The following LZTR1 variants were observed in gnomAD, a reference collection of about 807,000 sequenced individuals.
LZTR1 encodes the protein leucine-zipper-like transcriptional regulator 1.
Under a neutral mutation model 105.7 loss-of-function variants are expected in LZTR1, and 260 were observed. That is an observed-to-expected ratio of 2.46 (90% CI 2.22 to 2.72). LZTR1 has a LOEUF of 2.72. Among genes scored for constraint, LZTR1 ranks in the 30% most tolerant of loss-of-function variants. LZTR1 has a pLI of 0.00. For missense variants in LZTR1, 1,214 were observed against 1,166.9 expected (o/e 1.04, Z -0.59); for synonymous variants, 490 against 476.4 (o/e 1.03, Z -0.37).
chr22:20,988,722 A>T (rs1346922906), intron 5 of LZTR1, 67 bp from the exon 6 acceptor site: 2 of 1,205,070 alleles, frequency 1.7e-6, no homozygotes, highest in Non-Finnish European at 2.5e-6. Context: ...CACTGACCAC[A>T]TGGGGCTGGG....
intron 11 of LZTR1, chr22:20,993,249 G>A (rs1054269263): frequency 4.8e-6 from 2 of 413,746 alleles, no homozygotes; most frequent in Non-Finnish European, 4.4e-6. Flanking sequence ...CCCTTCCCAG[G>A]CCTGGAGGAG....
rs184673564 is a variant in LZTR1 at position 20,997,758 on chromosome 22, G to A, written c.*410G>A. On this transcript the variant is annotated 3_prime_UTR_variant, in exon 21 of 21. Transcript: ENST00000646124. ...TGTCACCAAGGCTCCTCCAACATGC[G>A]GGAGGAGGCTTAGCAGACTTGCGCT... is the stretch of plus-strand genomic sequence containing the variant. 2.5e-3 allele frequency: 455 copies of A among 180,208 alleles called. 1 individual carries two copies. Among genetic ancestry groups the A allele is most frequent in the Non-Finnish European group, 4.3e-3 (364 of 84,140 alleles). The allele number at this position is 180,208 out of a possible 1,614,324, so 11.2% of individuals were successfully genotyped here.
At position 20,994,952 on chromosome 22, in the gene LZTR1, C is replaced by T. The variant is rs1453133601; in HGVS notation, c.1868C>T (p.Pro623Leu). 4 of 1,613,216 alleles carry T rather than the reference C, an allele frequency of 2.5e-6. No homozygotes were observed. The highest frequency in any genetic ancestry group is 3.4e-6 in the Non-Finnish European group (4 of 1,180,006). ...MMKEFERLSS[P>L]LIVEIVRRKQ... Reference sequence around the variant, plus strand: ...AAGGAGTTCGAGCGCCTCTCCTCTCCACTGATAGTGGAGATTGTGCGGCGG... The same window carrying T: ...AAGGAGTTCGAGCGCCTCTCCTCTCTACTGATAGTGGAGATTGTGCGGCGG... The change falls in exon 16 of 21, where the codon CCA (proline) becomes CTA (leucine). Residue 623 changes from proline to leucine, a missense_variant. Transcript: ENST00000646124.
rs773793756 is a variant in LZTR1, at chr22:20,994,727, G to A, written c.1785G>A (p.Lys595=). 3.1e-6 allele frequency: 5 copies of A among 1,611,010 alleles called. No individual in the cohort carries two copies. The highest frequency in any genetic ancestry group is 2.2e-5 in the South Asian group (2 of 90,892). ...SAARLQLSQL[K]EHCLNFVVKE... ...CCCGGCTGCAGCTGAGCCAACTCAAGGTGTGGGGTGGGGTCAGCGCAATCA... is the reference window on the plus strand; with the variant it reads ...CCCGGCTGCAGCTGAGCCAACTCAAAGTGTGGGGTGGGGTCAGCGCAATCA... The change falls in exon 15 of 21, where the codon AAG becomes AAA. Residue 595 remains lysine, a splice_region_variant and synonymous_variant. Coordinates refer to ENST00000646124, the MANE Select transcript of LZTR1 (RefSeq NM_006767.4).
At chr22:20,991,397 G>A in intron 8 of LZTR1, 1 of 559,296 alleles carries the variant, frequency 1.8e-6, no homozygotes, top group South Asian at 2.3e-5. Flanking sequence ...GGGAGAGGGG[G>A]GAGCTCTGGC....
rs1462438936 is a variant in LZTR1 at position 20,985,856 on chromosome 22, T to C, written c.279T>C (p.Asn93=). The C allele has an allele frequency of 6.2e-7, 1 of 1,614,194 alleles. No individual in the cohort carries two copies. Among genetic ancestry groups the C allele is most frequent in the Middle Eastern group, 1.6e-4 (1 of 6,062 alleles). The stretch of plus-strand genomic sequence containing the variant: ...TGCCTTTCAGGAAGACCATGCTCAA[T>C]GACCTCCTGCGGTTCGATGTGAAAG... ...FGGDNGKTML[N]DLLRFDVKDC... Residue 93 remains asparagine, a synonymous_variant, in exon 3 of 21, where the codon AAT becomes AAC. Coordinates refer to ENST00000646124, the MANE Select transcript of LZTR1 (RefSeq NM_006767.4).
intron 14 of LZTR1, 113 bp downstream of exon 14, chr22:20,994,382 G>A (rs1924735098): frequency 7.5e-7 from 1 of 1,337,952 alleles, no homozygotes. Context: ...GAGGCTCAGA[G>A]GCTGCAGGTC....
chr22:20,987,350 C>T (rs1249187347), intron 3 of LZTR1, among the ~76,000 whole-genome samples, 154 bp from the exon 4 acceptor site: 8 of 149,600 alleles, frequency 5.3e-5, no homozygotes, highest in African/African-American at 4.9e-5. Flanking sequence ...GATCGTGCCA[C>T]TGCACTCCAG....
At chr22:20,993,822 A>G in intron 12 of LZTR1, 68 bp downstream of exon 12, 2 of 1,573,722 alleles carry the variant, frequency 1.3e-6, no homozygotes, top group South Asian at 1.1e-5. Flanking sequence ...GCCCCTCAGA[A>G]AAACAGCTGC....
At chr22:20,985,723 T>A in intron 2 of LZTR1, 118 bp from the exon 3 acceptor site, 1 of 875,620 alleles carries the variant, frequency 1.1e-6, no homozygotes, top group Admixed American at 2.0e-5. Flanking sequence ...CCTGGCTGTG[T>A]TAGTGACCCA....
rs1413588941 is a variant in LZTR1, at chr22:20,990,438, T to C, written c.704T>C (p.Val235Ala). 2.5e-6 allele frequency: 4 copies of C among 1,613,982 alleles called. No individual in the cohort carries two copies. In the African/African-American group the frequency reaches 4.0e-5, roughly 16 times the overall value. ...TCTTGCTGCAACTTCCCCGTGGCTGTGTGCCGGGACAAGATGTTTGTATTC... is the reference window on the plus strand; with the variant it reads ...TCTTGCTGCAACTTCCCCGTGGCTGCGTGCCGGGACAAGATGTTTGTATTC... ...PPSCCNFPVAVCRDKMFVFSG... is the reference protein window; with the variant it reads ...PPSCCNFPVAACRDKMFVFSG... The change falls in exon 8 of 21, where the codon GTG becomes GCG. Residue 235 changes from valine (V) to alanine (A), a missense_variant. Coordinates refer to ENST00000646124, the MANE Select transcript of LZTR1 (RefSeq NM_006767.4).
In LZTR1 at chr22:20,988,007, CAG is replaced by C. The variant is rs769200796; in HGVS notation, c.401-2_401-1del. 10 of 1,557,628 alleles carry C rather than the reference CAG, an allele frequency of 6.4e-6. No homozygotes were observed. The highest frequency in any genetic ancestry group is 2.7e-5 in the African/African-American group (2 of 73,650). ...TTGACAGTTTCTCACTCTCTTTACTCAGGGGGTTACACTGGGGACATTTATTC... is the reference window on the plus strand; with the variant it reads ...TTGACAGTTTCTCACTCTCTTTACTCGGGGTTACACTGGGGACATTTATTC... On this transcript the variant is annotated splice_acceptor_variant, in intron 4 of 20. Transcript: ENST00000646124. LOFTEE classifies it high-confidence loss of function.
In LZTR1 at chr22:20,992,784, T is replaced by C. The variant is rs1032840795; in HGVS notation, c.1150-10T>C. 6.4e-7 allele frequency: 1 copy of C among 1,555,296 alleles called. No individual in the cohort carries two copies. On this transcript the variant is annotated splice_polypyrimidine_tract_variant and intron_variant, in intron 10 of 20. Coordinates refer to ENST00000646124, the MANE Select transcript of LZTR1 (RefSeq NM_006767.4). ...CCCCCACCATTCCACCCTGCCTTCT[T>C]GTCCCCCAGCTGCCCAGTGGGAGGC...
At position 20,989,673 on chromosome 22, in the gene LZTR1, C is replaced by T. The variant is rs775504208; in HGVS notation, c.642C>T (p.Cys214=). 6.2e-7 allele frequency: 1 copy of T among 1,610,110 alleles called. No individual in the cohort carries two copies. Among genetic ancestry groups the T allele is most frequent in the Admixed American group, 1.7e-5 (1 of 59,840 alleles). Residue 214 remains cysteine, a synonymous_variant, in exon 7 of 21, where the codon TGC becomes TGT. Transcript: ENST00000646124. The part of the protein sequence containing the change: ...TIGLQDRELT[C]WEEVAQSGEI... ...GCCTCCAGGACCGAGAGCTCACCTG[C>T]TGGGAGGAGGTGAGGGGCGTGGGGA... is the stretch of plus-strand genomic sequence containing the variant.
At chr22:20,990,834 G>C (rs910891061) in intron 8 of LZTR1, 1 of 295,256 alleles carries the variant, frequency 3.4e-6, no homozygotes, top group Non-Finnish European at 6.4e-6. Flanking sequence ...GGCCTGCATA[G>C]ATCTCAAATA....
In LZTR1 at chr22:20,994,286, G is replaced by C. The variant is rs376557253; in HGVS notation, c.1615+17G>C. ...CACGGAAAGGTCCGCCTGGGTGGGG[G>C]TGGAGCAGGGTTGGTGTGGGCTGGG... is the stretch of plus-strand genomic sequence containing the variant. On this transcript the variant is annotated intron_variant, in intron 14 of 20. Transcript: ENST00000646124. 1.6e-5 allele frequency: 25 copies of C among 1,595,686 alleles called. No individual in the cohort carries two copies. The African/African-American group carries it at 2.7e-4, about 17-fold the overall frequency.
intron 18 of LZTR1, chr22:20,996,459 G>A (rs1924849279): frequency 1.7e-6 from 1 of 594,438 alleles, no homozygotes; most frequent in Non-Finnish European, 3.0e-6. Flanking sequence ...ATGCCTGTTA[G>A]GCCTGCAAGG....
intron 14 of LZTR1, 112 bp from the exon 15 acceptor site, chr22:20,994,446 C>T: frequency 7.5e-7 from 1 of 1,338,588 alleles, no homozygotes; most frequent in Non-Finnish European, 1.0e-6. Context: ...CCCCCGAGGC[C>T]TTGTTCCTAC....
At position 20,985,307 on chromosome 22, in the gene LZTR1, G is replaced by A. The variant is rs141433937; in HGVS notation, c.264-534G>A. ...TCTCCTGACCTCAAGTGATCCGCCC[G>A]CCTAGGCTTCCCAAAGTGCTGGGAT... is the stretch of plus-strand genomic sequence containing the variant. On this transcript the variant is annotated intron_variant, in intron 2 of 20. Coordinates refer to ENST00000646124, the MANE Select transcript of LZTR1 (RefSeq NM_006767.4). 3.6e-3 allele frequency among the ~76,000 whole-genome samples: 550 copies of A among 152,110 alleles called. 5 individuals carry two copies. The highest frequency in any genetic ancestry group is 0.012 in the African/African-American group (516 of 41,514).
Sources: allele counts gnomAD v4.1 joint callset (sites outside exome capture counted in the v4.1 genomes callset), GRCh38; gene constraint gnomAD v4.1.1; transcripts MANE v1.5; gene names NCBI Gene and HGNC (gene_info 2026-07-23, HGNC 2026-07-21).